The following SUSD1 variants were observed in gnomAD, a reference collection of about 807,000 sequenced individuals.
SUSD1 encodes sushi domain-containing protein 1.
In SUSD1, 65 loss-of-function variants were observed where a neutral mutation model predicts 86.9. The observed-to-expected ratio is 0.75, with a 90% CI of 0.61 to 0.92. The LOEUF (loss-of-function observed/expected upper bound fraction) is 0.92, where lower values mean the gene tolerates loss of function less well. Ranked by LOEUF, SUSD1 falls within the 40% of genes least tolerant of loss-of-function variation. The pLI, the probability that SUSD1 is intolerant of heterozygous loss-of-function variation, is 0.00. For synonymous variants in SUSD1, 346 were observed against 350.0 expected, an observed-to-expected ratio of 0.99 and a Z score of 0.13; for missense variants, 850 against 929.7, an observed-to-expected ratio of 0.91 and a Z score of 1.11.
At chr9:112,098,362 A>G in intron 10 of SUSD1, 108 bp downstream of exon 10, 2 of 1,120,548 alleles carry the variant, frequency 1.8e-6, no homozygotes, top group Non-Finnish European at 2.5e-6. Flanking sequence ...TAGAACTGGA[A>G]CCCCTGTCTC....
intron 12 of SUSD1, among the ~76,000 whole-genome samples, chr9:112,074,465 C>T (rs1000837804): frequency 1.3e-5 from 2 of 152,154 alleles, no homozygotes; most frequent in East Asian, 1.9e-4. Flanking sequence ...CTGCATTCAC[C>T]GAAACACTTG....
At chr9:112,124,235 G>A (rs781089203) in intron 6 of SUSD1, 22 bp downstream of exon 6, 1 of 1,587,290 alleles carries the variant, frequency 6.3e-7, no homozygotes, top group East Asian at 2.2e-5. Flanking sequence ...TGGGTAGCAG[G>A]AGCCCAGAAC....
intron 5 of SUSD1, 107 bp from the exon 6 acceptor site, chr9:112,124,543 A>G: frequency 9.0e-7 from 1 of 1,113,958 alleles, no homozygotes; most frequent in Non-Finnish European, 1.2e-6. Context: ...CTCAAACAGG[A>G]AAAGAGAAAA....
chr9:112,131,797 G>A (rs748719567), intron 5 of SUSD1, among the ~76,000 whole-genome samples: 11 of 152,280 alleles, frequency 7.2e-5, no homozygotes, highest in East Asian at 1.9e-4. Flanking sequence ...GGCTAATTAC[G>A]TTATTAAGTA....
chr9:112,096,382 A>G (rs1042181983), intron 10 of SUSD1, among the ~76,000 whole-genome samples: 19 of 152,168 alleles, frequency 1.2e-4, no homozygotes, highest in Non-Finnish European at 2.5e-4. Flanking sequence ...AGTAGCATCT[A>G]TTACAAAACA....
chr9:112,142,216 G>A (rs552820586), intron 5 of SUSD1, 104 bp downstream of exon 5: 2 of 951,878 alleles, frequency 2.1e-6, no homozygotes, highest in Admixed American at 2.9e-5. Context: ...GAATTTTAAA[G>A]GTTTACTTAA....
chr9:112,138,748 T>C (rs936992563), intron 5 of SUSD1, among the ~76,000 whole-genome samples: 1 of 152,128 alleles, frequency 6.6e-6, no homozygotes, highest in Non-Finnish European at 1.5e-5. Context: ...GTGCCTGGCC[T>C]GCAATAAATA....
intron 15 of SUSD1, chr9:112,052,040 C>T: frequency 1.2e-6 from 1 of 804,252 alleles, no homozygotes; most frequent in Non-Finnish European, 1.7e-6. Flanking sequence ...AATCGGTAAG[C>T]TGCGGGAGCT....
chr9:112,118,002 A>C (rs1430327609), intron 6 of SUSD1, among the ~76,000 whole-genome samples: 3 of 152,160 alleles, frequency 2.0e-5, no homozygotes, highest in African/African-American at 7.2e-5. Flanking sequence ...GTGAGCCCAG[A>C]CTACTCTTTC....
chr9:112,075,377 G>C (rs1249891127), intron 12 of SUSD1, among the ~76,000 whole-genome samples: 5 of 151,950 alleles, frequency 3.3e-5, no homozygotes, highest in Admixed American at 6.6e-5. Flanking sequence ...ACTGTCTTCA[G>C]GAAGCTCCTA....
chr9:112,143,152 T>A (rs1173762565), intron 4 of SUSD1, among the ~76,000 whole-genome samples: 1 of 150,498 alleles, frequency 6.6e-6, no homozygotes, highest in Non-Finnish European at 1.5e-5. Context: ...ACCTGGCTAT[T>A]TTTTTTTATT....
intron 2 of SUSD1, 118 bp from the exon 3 acceptor site, chr9:112,149,517 G>A: frequency 8.7e-7 from 1 of 1,150,112 alleles, no homozygotes; most frequent in Non-Finnish European, 1.2e-6. Context: ...ACACCTTAGT[G>A]ATCTATTTCT....
chr9:112,164,089 A>C (rs1047165029), intron 1 of SUSD1, among the ~76,000 whole-genome samples: 2 of 152,210 alleles, frequency 1.3e-5, no homozygotes, highest in Non-Finnish European at 2.9e-5. Flanking sequence ...AATCTAATAA[A>C]CATAAAAAAT....
intron 5 of SUSD1, among the ~76,000 whole-genome samples, chr9:112,124,839 G>A (rs969970908): frequency 8.6e-5 from 13 of 152,044 alleles, no homozygotes; most frequent in Non-Finnish European, 1.3e-4. Flanking sequence ...ACTTTTTAAA[G>A]CAAATTAATG....
chr9:112,041,845 C>T, intron 16 of SUSD1, 22 bp downstream of exon 16: 1 of 1,607,550 alleles, frequency 6.2e-7, no homozygotes, highest in Non-Finnish European at 8.5e-7. Flanking sequence ...AGTCATTTCT[C>T]AAAAATGACA....
chr9:112,165,923 AAAGAAAG>A (rs771937035), intron 1 of SUSD1, among the ~76,000 whole-genome samples: 3 of 99,148 alleles, frequency 3.0e-5, no homozygotes, highest in African/African-American at 1.2e-4. Context: ...GGAAGAAAGA[AAAGAAAG>A]AAAGAAAGAA....
At chr9:112,135,776 G>A (rs981778846) in intron 5 of SUSD1, among the ~76,000 whole-genome samples, 4 of 152,174 alleles carry the variant, frequency 2.6e-5, no homozygotes, top group African/African-American at 9.7e-5. Context: ...GCTCATGACC[G>A]TGACATTGAG....
At chr9:112,128,069 C>CT (rs1554768122) in intron 5 of SUSD1, among the ~76,000 whole-genome samples, 2 of 151,440 alleles carry the variant, frequency 1.3e-5, no homozygotes, top group Admixed American at 6.6e-5. Flanking sequence ...TTCAAAAAAA[C>CT]TTTTTTTGTT....
At chr9:112,085,048 T>C (rs1345884529) in intron 10 of SUSD1, among the ~76,000 whole-genome samples, 3 of 152,226 alleles carry the variant, frequency 2.0e-5, no homozygotes, top group African/African-American at 4.8e-5. Flanking sequence ...GTTGAACTGA[T>C]AGCTCCTTGA....
Sources: gnomAD v4.1 joint callset for allele counts (sites outside exome capture counted in the v4.1 genomes callset) on GRCh38, gnomAD v4.1.1 for gene constraint, MANE v1.5 for transcripts, NCBI Gene and HGNC (gene_info 2026-07-23, HGNC 2026-07-21) for gene names.